The following FANCA variants were observed in gnomAD, a reference collection of about 807,000 sequenced individuals.
The protein encoded by FANCA is Fanconi anemia group A protein.
FANCA carries 236 observed loss-of-function variants against 194.3 expected under a neutral mutation model. That is an observed-to-expected ratio of 1.21 (90% confidence interval 1.09 to 1.35). The LOEUF is 1.35. FANCA is among the 40% of genes most tolerant of loss of function. FANCA has a pLI of 0.00. For synonymous variants in FANCA, 1,014 were observed against 715.8 expected (o/e 1.42, Z -6.65); for missense variants, 2,628 against 1,813.9 (o/e 1.45, Z -8.15).
intron 35 of FANCA, among the ~76,000 whole-genome samples, chr16:89,746,116 C>T (rs1242921618): frequency 6.6e-6 from 1 of 152,168 alleles, no homozygotes; most frequent in African/African-American, 2.4e-5. Flanking sequence ...CCCTGGGCTG[C>T]TAGGGGAGCC....
At chr16:89,764,490 G>C (rs1226441747) in intron 28 of FANCA, among the ~76,000 whole-genome samples, 2 of 152,122 alleles carry the variant, frequency 1.3e-5, no homozygotes, top group Non-Finnish European at 2.9e-5. Context: ...ATTCTTTGTA[G>C]AGATGGGGTT....
At chr16:89,803,655 G>A (rs1184494444) in intron 7 of FANCA, among the ~76,000 whole-genome samples, 4 of 141,830 alleles carry the variant, frequency 2.8e-5, no homozygotes, top group African/African-American at 8.0e-5. Flanking sequence ...ACGGAGGCTT[G>A]CTCTGTCGCC....
In FANCA at chr16:89,770,192, G is replaced by C. The variant is rs751572448; in HGVS notation, c.2290C>G (p.Arg764Gly). 2 of 1,593,006 alleles carry C rather than the reference G, an allele frequency of 1.3e-6. No individual in the cohort carries two copies. The highest frequency in any genetic ancestry group is 1.8e-5 in the Admixed American group (1 of 56,052). The change falls in exon 25 of 43, where the codon CGG becomes GGG. Residue 764 changes from arginine to glycine, a missense_variant. By Grantham distance (125) the Arg-to-Gly change is moderately radical. Transcript: ENST00000389301. Reference protein sequence around the residue: ...CGRVLPAVLTRLCQLLRHQGP... With the variant: ...CGRVLPAVLTGLCQLLRHQGP... The stretch of plus-strand genomic sequence containing the variant: ...TGGTGACGGAGCAGCTGGCAGAGCC[G>C]GGTGAGCACTGCAGGGAGCACACGT...
chr16:89,738,072 C>G lies in FANCA; in HGVS notation c.*529G>C, dbSNP rs747684842. 3 of 1,614,104 alleles carry G rather than the reference C, an allele frequency of 1.9e-6. No homozygotes were observed. The highest frequency in any genetic ancestry group is 2.5e-6 in the Non-Finnish European group (3 of 1,180,042). Reference sequence around the variant, plus strand: ...AGACTGAGCTGGACTTTGCCTGTGACCAGTGTGGCCGGCGGTTTGAGAAGG... The same window carrying G: ...AGACTGAGCTGGACTTTGCCTGTGAGCAGTGTGGCCGGCGGTTTGAGAAGG... On this transcript the variant is annotated 3_prime_UTR_variant, in exon 43 of 43. Coordinates refer to ENST00000389301, the MANE Select transcript of FANCA (RefSeq NM_000135.4).
At chr16:89,787,715 G>A in intron 14 of FANCA, among the ~76,000 whole-genome samples, 1 of 151,916 alleles carries the variant, frequency 6.6e-6, no homozygotes, top group East Asian at 1.9e-4. Context: ...CAGCCTGGGA[G>A]ACAGAACAGA....
Position 89,791,533 on chromosome 16 carries a change from C to A in FANCA, c.1229G>T (p.Trp410Leu). 6.2e-7 allele frequency: 1 copy of A among 1,614,078 alleles called. No individual in the cohort carries two copies. The highest frequency in any genetic ancestry group is 8.5e-7 in the Non-Finnish European group (1 of 1,180,018). ...FPEAQQLLED[W>L]VARLMAQAFE... The stretch of plus-strand genomic sequence containing the variant: ...TGCCTGGGCCATCAAACGCGCCACC[C>A]AGTCTAGTTAAGAACCATGACATAG... The change falls in exon 14 of 43, where the codon TGG (tryptophan) becomes TTG (leucine). Residue 410 changes from tryptophan (W) to leucine (L), a missense_variant. Transcript: ENST00000389301.
intron 14 of FANCA, among the ~76,000 whole-genome samples, chr16:89,788,501 A>G (rs969420410): frequency 6.6e-6 from 1 of 152,012 alleles, no homozygotes; most frequent in African/African-American, 2.4e-5. Flanking sequence ...TACATTTATC[A>G]AAACTCATCT....
chr16:89,813,848 G>C (rs867502430), intron 3 of FANCA, among the ~76,000 whole-genome samples: 1 of 151,228 alleles, frequency 6.6e-6, no homozygotes, highest in Non-Finnish European at 1.5e-5. Flanking sequence ...GTGCACGTGC[G>C]TGCATGTACT....
At position 89,745,007 on chromosome 16, in the gene FANCA, A is replaced by G; in HGVS notation, c.3578T>C (p.Leu1193Pro). ...CRWRRHCQSP[L>P]PRELQKLQEG... ...TTGTAGCTTCTGCAGTTCCCGGGGC[A>G]GCGGGCTCTGGCAGTGTCTCCTCCA... Residue 1193 changes from leucine to proline, a missense_variant, in exon 36 of 43, where the codon CTG becomes CCG. Physicochemically the swap from Leu to Pro is moderately conservative, Grantham distance 98 (BLOSUM62 -3). Transcript: ENST00000389301. 1 of 1,611,242 alleles carries G rather than the reference A, an allele frequency of 6.2e-7. No individual in the cohort carries two copies. The highest frequency in any genetic ancestry group is 8.5e-7 in the Non-Finnish European group (1 of 1,179,888).
At chr16:89,750,475 T>A (rs2038547585) in intron 31 of FANCA, among the ~76,000 whole-genome samples, 1 of 111,462 alleles carries the variant, frequency 9.0e-6, no homozygotes. Flanking sequence ...AGAGTGAGAC[T>A]CCGTCTCAAA....
intron 8 of FANCA, among the ~76,000 whole-genome samples, chr16:89,801,337 C>G (rs2040445078): frequency 9.9e-6 from 1 of 101,484 alleles, no homozygotes; most frequent in East Asian, 4.1e-4. Flanking sequence ...GAGCAAGACT[C>G]TGTCTCAAAA....
chr16:89,775,100 A>T (rs1166255065), intron 21 of FANCA, among the ~76,000 whole-genome samples: 1 of 151,936 alleles, frequency 6.6e-6, no homozygotes, highest in African/African-American at 2.4e-5. Flanking sequence ...AAAAAAAAAA[A>T]GCCCACAGGG....
chr16:89,743,252 C>T (rs1184735908), intron 36 of FANCA, among the ~76,000 whole-genome samples: 2 of 152,196 alleles, frequency 1.3e-5, no homozygotes. Flanking sequence ...GAAGAGGCCT[C>T]ATTTTCCTCA....
At chr16:89,805,733 C>G (rs1168730396) in intron 6 of FANCA, among the ~76,000 whole-genome samples, 4 of 151,482 alleles carry the variant, frequency 2.6e-5, no homozygotes, top group Admixed American at 1.3e-4. Context: ...TGTGCCCAGT[C>G]TCAAGTTATT....
chr16:89,759,318 T>TTAAAAAAAAAAAAAAA lies in FANCA; in HGVS notation c.2853-614_2853-613insTTTTTTTTTTTTTTTA, dbSNP rs1224981781. ...TTGGGCAACAGAGCGAGACTCCGTC[T>TTAAAAAAAAAAAAAAA]AAAAAAAAAAAAAAAAAAAAAAAAA... On this transcript the variant is annotated intron_variant, in intron 29 of 42. Coordinates refer to ENST00000389301, the MANE Select transcript of FANCA (RefSeq NM_000135.4). 1.4e-3 allele frequency among the ~76,000 whole-genome samples: 102 copies of TTAAAAAAAAAAAAAAA among 75,206 alleles called. 37 individuals carry two copies. The highest frequency in any genetic ancestry group is 4.1e-3 in the African/African-American group (80 of 19,548). 49.3% of individuals were successfully genotyped at this position (75,206 alleles called of 152,430 possible). A position where few individuals can be genotyped will look rare whatever the true frequency, so the allele number is the denominator to read the frequency against.
At chr16:89,782,345 A>G (rs1326339441) in intron 17 of FANCA, among the ~76,000 whole-genome samples, 3 of 151,350 alleles carry the variant, frequency 2.0e-5, no homozygotes, top group East Asian at 2.0e-4. Context: ...CCCTGACTCT[A>G]TTAAAAATAC....
At chr16:89,750,015 A>G (rs1598077378) in intron 31 of FANCA, 113 bp from the exon 32 acceptor site, 2 of 1,074,378 alleles carry the variant, frequency 1.9e-6, no homozygotes, top group East Asian at 4.8e-5. Flanking sequence ...CAGGGCAAGA[A>G]GGAACAAGTG....
intron 18 of FANCA, among the ~76,000 whole-genome samples, chr16:89,779,239 C>T (rs550284333): frequency 2.0e-5 from 3 of 152,144 alleles, no homozygotes; most frequent in South Asian, 2.1e-4. Context: ...TGGGCTTGAA[C>T]GTGGAGCCTG....
At chr16:89,784,083 A>T (rs2039814147) in intron 15 of FANCA, among the ~76,000 whole-genome samples, 1 of 152,092 alleles carries the variant, frequency 6.6e-6, no homozygotes, top group Admixed American at 6.6e-5. Flanking sequence ...GATGAGGGTC[A>T]GGCTGGGCAC....
Sources: gnomAD v4.1 joint callset for allele counts (sites outside exome capture counted in the v4.1 genomes callset) on GRCh38, gnomAD v4.1.1 for gene constraint, MANE v1.5 for transcripts, NCBI Gene and HGNC (gene_info 2026-07-23, HGNC 2026-07-21) for gene names.